Variants in SLC35D2 observed in about 807,000 individuals in gnomAD.
SLC35D2 encodes the protein solute carrier family 35 member D2.
In SLC35D2, 43 loss-of-function variants were observed where a neutral mutation model predicts 41.8. The observed-to-expected ratio is 1.03, with a 90% CI of 0.81 to 1.33. SLC35D2 has a LOEUF of 1.33. Ranked by LOEUF, SLC35D2 falls within the 40% of genes most tolerant of loss-of-function variation. The pLI is 0.00. For synonymous variants in SLC35D2, 150 were observed against 163.9 expected (o/e 0.92, Z 0.65); for missense variants, 380 against 408.4 (o/e 0.93, Z 0.60).
rs1828573499 is a variant in SLC35D2 at position 96,327,121 on chromosome 9, C to T, written c.753-2952G>A. 2.0e-5 allele frequency among the ~76,000 whole-genome samples: 3 copies of T among 152,330 alleles called. No individual in the cohort carries two copies. The South Asian group carries it at 6.2e-4, about 32-fold the overall frequency. The stretch of plus-strand genomic sequence containing the variant: ...AGGAGCTTCCTGCAGGCCGCCTATG[C>T]ACCAGCACAGCCTTAAACCAAGGAC... On this transcript the variant is annotated intron_variant, in intron 9 of 11. Coordinates refer to ENST00000253270, the MANE Select transcript of SLC35D2 (RefSeq NM_007001.3).
rs775196439 is a variant in SLC35D2 at position 96,383,496 on chromosome 9, CCTTGTTGACAAG to C, written c.127_138del (p.Leu43_Lys46del). 10 of 1,537,538 alleles carry C rather than the reference CCTTGTTGACAAG, an allele frequency of 6.5e-6. No individual in the cohort carries two copies. The South Asian group carries it at 1.1e-4, about 17-fold the overall frequency. On this transcript the variant is annotated inframe_deletion, in exon 1 of 12. Transcript: ENST00000253270. Reference sequence around the variant, plus strand: ...CCTCACCCGTAGGTGGTCAGCAGCGCCTTGTTGACAAGCACGATGAGGAAGGAGCAGGTCCCG... The same window carrying C: ...CCTCACCCGTAGGTGGTCAGCAGCGCCACGATGAGGAAGGAGCAGGTCCCG...
intron 6 of SLC35D2, among the ~76,000 whole-genome samples, chr9:96,348,162 AG>A (rs1304279540): frequency 2.6e-5 from 4 of 152,212 alleles, no homozygotes; most frequent in Non-Finnish European, 5.9e-5. Flanking sequence ...GGTCTGGATC[AG>A]GACCCTTTCC....
intron 1 of SLC35D2, chr9:96,373,859 G>T (rs1830819465): frequency 6.6e-6 from 1 of 152,166 alleles, no homozygotes; most frequent in African/African-American, 2.4e-5. Context: ...GATGATTATA[G>T]ATTTGGTAGT....
At chr9:96,349,617 C>G (rs2130928258) in intron 6 of SLC35D2, among the ~76,000 whole-genome samples, 1 of 152,266 alleles carries the variant, frequency 6.6e-6, no homozygotes, top group East Asian at 1.9e-4. Flanking sequence ...CCTCCACTTC[C>G]CAGGTTCAAG....
chr9:96,349,628 C>T (rs1472642195), intron 6 of SLC35D2, among the ~76,000 whole-genome samples: 8 of 152,094 alleles, frequency 5.3e-5, no homozygotes, highest in Non-Finnish European at 8.8e-5. Context: ...CAGGTTCAAG[C>T]GATTCTCCTA....
chr9:96,382,466 TACACACACAC>T (rs35402465), intron 1 of SLC35D2, among the ~76,000 whole-genome samples: 13 of 133,090 alleles, frequency 9.8e-5, no homozygotes, highest in South Asian at 2.5e-4. Context: ...AAAAATATTA[TACACACACAC>T]ACACACACAC....
In SLC35D2 at chr9:96,326,124, C is replaced by T. The variant is rs188850814; in HGVS notation, c.753-1955G>A. On this transcript the variant is annotated intron_variant, in intron 9 of 11. Coordinates refer to ENST00000253270, the MANE Select transcript of SLC35D2 (RefSeq NM_007001.3). ...TTGCAATTTTAATTTGAAAGAAGAG[C>T]GTCGAAGTCTGCATCAGGATTTGAA... 5.3e-5 allele frequency among the ~76,000 whole-genome samples: 8 copies of T among 152,224 alleles called. No homozygotes were observed. In the East Asian group the frequency reaches 1.2e-3, roughly 22 times the overall value.
intron 4 of SLC35D2, among the ~76,000 whole-genome samples, chr9:96,353,932 C>T (rs1269293019): frequency 6.6e-6 from 1 of 152,182 alleles, no homozygotes; most frequent in Admixed American, 6.5e-5. Flanking sequence ...AGAGTGGCAG[C>T]TCAGCCACCC....
intron 9 of SLC35D2, among the ~76,000 whole-genome samples, chr9:96,332,552 G>A (rs1220349698): frequency 6.6e-6 from 1 of 152,116 alleles, no homozygotes; most frequent in Non-Finnish European, 1.5e-5. Flanking sequence ...GCCAAGGCAG[G>A]CAGATCACCT....
chr9:96,321,605 C>T (rs556843595), intron 11 of SLC35D2, among the ~76,000 whole-genome samples: 66 of 152,164 alleles, frequency 4.3e-4, no homozygotes, highest in Non-Finnish European at 8.2e-4. Flanking sequence ...AACTACATAC[C>T]CTTAGCCTTA....
intron 9 of SLC35D2, among the ~76,000 whole-genome samples, chr9:96,326,621 G>C (rs957721915): frequency 6.6e-6 from 1 of 151,948 alleles, no homozygotes; most frequent in African/African-American, 2.4e-5. Context: ...GGCCAACATG[G>C]TGAAACCCTG....
chr9:96,336,358 C>G (rs983935284), intron 9 of SLC35D2, among the ~76,000 whole-genome samples: 1 of 152,114 alleles, frequency 6.6e-6, no homozygotes. Flanking sequence ...CTGGGCAACA[C>G]AGTGAGACCC....
intron 3 of SLC35D2, 79 bp from the exon 4 acceptor site, chr9:96,360,300 G>T: frequency 9.2e-6 from 10 of 1,088,828 alleles, no homozygotes; most frequent in Non-Finnish European, 1.2e-5. Flanking sequence ...AATGGTGACA[G>T]ATACTTCACC....
At chr9:96,361,749 G>C in intron 3 of SLC35D2, among the ~76,000 whole-genome samples, 1 of 151,912 alleles carries the variant, frequency 6.6e-6, no homozygotes, top group Non-Finnish European at 1.5e-5. Flanking sequence ...GAGATACGAG[G>C]AGTGCACACA....
chr9:96,332,871 T>G (rs551616902), intron 9 of SLC35D2, among the ~76,000 whole-genome samples: 1 of 152,180 alleles, frequency 6.6e-6, no homozygotes, highest in African/African-American at 2.4e-5. Flanking sequence ...TCATTTTTAC[T>G]GTTTTACTTA....
At chr9:96,366,994 GTGGA>G (rs1346635950) in intron 2 of SLC35D2, among the ~76,000 whole-genome samples, 1 of 151,066 alleles carries the variant, frequency 6.6e-6, no homozygotes, top group African/African-American at 2.4e-5. Flanking sequence ...GCCGAGGTGG[GTGGA>G]TCACGAGGTC....
rs1482192714 is a variant in SLC35D2 at position 96,352,037 on chromosome 9, C to T, written c.419+1G>A. ...GAAGAATGGAGGAAAAACAAAATCA[C>T]CCAAGTATGATGGTTTCCAGAAGTA... is the stretch of plus-strand genomic sequence containing the variant. On this transcript the variant is annotated splice_donor_variant, in intron 5 of 11. Coordinates refer to ENST00000253270, the MANE Select transcript of SLC35D2 (RefSeq NM_007001.3). LOFTEE classifies it high-confidence loss of function. 4.4e-6 allele frequency: 7 copies of T among 1,606,814 alleles called. No individual in the cohort carries two copies. The highest frequency in any genetic ancestry group is 6.0e-6 in the Non-Finnish European group (7 of 1,174,470).
chr9:96,332,809 C>T (rs1828867511), intron 9 of SLC35D2, among the ~76,000 whole-genome samples: 1 of 151,818 alleles, frequency 6.6e-6, no homozygotes, highest in Non-Finnish European at 1.5e-5. Flanking sequence ...TGGAAACTAA[C>T]ATCCACCTTG....
intron 9 of SLC35D2, among the ~76,000 whole-genome samples, chr9:96,335,718 A>C (rs1393976445): frequency 1.3e-5 from 2 of 152,128 alleles, no homozygotes; most frequent in Non-Finnish European, 1.5e-5. Flanking sequence ...AAATAGACAC[A>C]AACTATATGG....
Sources: gnomAD v4.1 joint callset for allele counts (sites outside exome capture counted in the v4.1 genomes callset) on GRCh38, gnomAD v4.1.1 for gene constraint, MANE v1.5 for transcripts, NCBI Gene and HGNC (gene_info 2026-07-23, HGNC 2026-07-21) for gene names.